AUTS2: variants seen among roughly 807,000 people sequenced by gnomAD.
AUTS2 encodes the protein autism susceptibility gene 2 protein.
Under a neutral mutation model 112.4 loss-of-function variants are expected in AUTS2, and 17 were observed. The observed-to-expected ratio is 0.15, with a 90% CI of 0.10 to 0.23. The LOEUF is 0.23. Ranked by LOEUF, AUTS2 falls within the 10% of genes least tolerant of loss-of-function variation. The probability of loss-of-function intolerance (pLI) is 1.00; values close to 1 mark genes in which losing one functional copy is unlikely to be tolerated. For synonymous variants in AUTS2, 751 were observed against 702.7 expected (o/e 1.07, Z -1.09); for missense variants, 1,510 against 1,701.6 (o/e 0.89, Z 1.98).
intron 4 of AUTS2, among the ~76,000 whole-genome samples, chr7:70,402,658 G>A (rs907381311): frequency 6.6e-6 from 1 of 152,160 alleles, no homozygotes; most frequent in African/African-American, 2.4e-5. Context: ...GGGGATGGGC[G>A]TGGGTTAGAT....
chr7:70,319,570 G>T (rs1431573961), intron 4 of AUTS2, among the ~76,000 whole-genome samples: 1 of 152,162 alleles, frequency 6.6e-6, no homozygotes, highest in Non-Finnish European at 1.5e-5. Context: ...AAAAGTGTTT[G>T]CTAAGTCTCT....
rs1327628597 is a variant in AUTS2, at chr7:70,430,193, G to A, written c.661-5559G>A. ...CGCTCAAGGATGGGGTCAAGGATAA[G>A]GCTCTTCACTTACGCAGTTGAGTGA... is the stretch of plus-strand genomic sequence containing the variant. On this transcript the variant is annotated intron_variant, in intron 4 of 18. Coordinates refer to ENST00000342771, the MANE Select transcript of AUTS2 (RefSeq NM_015570.4). Among the ~76,000 whole-genome samples, 5 of 152,150 alleles carry A rather than the reference G, an allele frequency of 3.3e-5. No homozygotes were observed. In the East Asian group the frequency reaches 5.8e-4, roughly 18 times the overall value.
At chr7:70,454,067 C>T (rs1054245812) in intron 5 of AUTS2, among the ~76,000 whole-genome samples, 12 of 152,274 alleles carry the variant, frequency 7.9e-5, no homozygotes, top group Admixed American at 6.5e-4. Flanking sequence ...TGGCGTTGTG[C>T]TGTCTTCTGT....
At chr7:70,027,439 C>T (rs543067755) in intron 2 of AUTS2, among the ~76,000 whole-genome samples, 1 of 152,244 alleles carries the variant, frequency 6.6e-6, no homozygotes, top group East Asian at 1.9e-4. Context: ...GGTTTGCCTC[C>T]ATTACTAAGT....
chr7:69,884,906 A>G (rs1479977466), intron 1 of AUTS2, among the ~76,000 whole-genome samples: 1 of 152,216 alleles, frequency 6.6e-6, no homozygotes, highest in African/African-American at 2.4e-5. Context: ...GTCTCAGGTC[A>G]GTGGGTATAT....
intron 4 of AUTS2, among the ~76,000 whole-genome samples, chr7:70,162,291 A>T (rs1456900297): frequency 6.7e-6 from 1 of 150,334 alleles, no homozygotes; most frequent in East Asian, 2.0e-4. Flanking sequence ...CTAAAAATAC[A>T]AAAAATTAGC....
At chr7:69,676,697 A>G (rs909617514) in intron 1 of AUTS2, among the ~76,000 whole-genome samples, 1 of 152,092 alleles carries the variant, frequency 6.6e-6, no homozygotes, top group Admixed American at 6.5e-5. Context: ...ATAAACGATG[A>G]TTACTTTTCA....
chr7:70,215,503 A>G (rs7805470), intron 4 of AUTS2, among the ~76,000 whole-genome samples: 46,439 of 152,020 alleles, frequency 0.31, 7,311 homozygotes, highest in Middle Eastern at 0.38. Flanking sequence ...GTTTGTATTT[A>G]TATTTGGAAA....
intron 4 of AUTS2, among the ~76,000 whole-genome samples, chr7:70,195,694 T>C (rs1465755795): frequency 6.6e-6 from 1 of 152,176 alleles, no homozygotes; most frequent in Non-Finnish European, 1.5e-5. Context: ...CTGCTCTGAA[T>C]AGTAGAAGAC....
intron 2 of AUTS2, among the ~76,000 whole-genome samples, chr7:70,065,842 A>G (rs1224931468): frequency 1.3e-5 from 2 of 152,136 alleles, no homozygotes; most frequent in African/African-American, 4.8e-5. Context: ...GGTAGCTAGG[A>G]CTGCAGGTGT....
At chr7:70,397,285 G>A (rs544721325) in intron 4 of AUTS2, among the ~76,000 whole-genome samples, 4 of 151,702 alleles carry the variant, frequency 2.6e-5, no homozygotes, top group East Asian at 1.9e-4. Context: ...GACTGGTCTC[G>A]AACTCCTGAC....
chr7:70,391,285 G>A (rs1258588233), intron 4 of AUTS2, among the ~76,000 whole-genome samples: 5 of 152,212 alleles, frequency 3.3e-5, no homozygotes, highest in Non-Finnish European at 7.3e-5. Context: ...CCCATATCAT[G>A]TGGTGAGAAT....
chr7:70,110,104 T>C (rs1188630121), intron 2 of AUTS2, among the ~76,000 whole-genome samples: 2 of 152,260 alleles, frequency 1.3e-5, no homozygotes, highest in Non-Finnish European at 2.9e-5. Context: ...CTGTCTGGAT[T>C]GAGCGTGTCT....
intron 4 of AUTS2, among the ~76,000 whole-genome samples, chr7:70,224,741 T>G (rs927218165): frequency 1.3e-5 from 2 of 152,196 alleles, no homozygotes; most frequent in Admixed American, 6.5e-5. Flanking sequence ...TCATGGTAAG[T>G]GCCCTATACA....
intron 1 of AUTS2, among the ~76,000 whole-genome samples, chr7:69,630,982 G>A (rs559926122): frequency 7.3e-5 from 11 of 150,602 alleles, no homozygotes; most frequent in African/African-American, 2.2e-4. Flanking sequence ...ATTTATCCAC[G>A]TCTTGAGTAG....
Position 70,280,714 on chromosome 7 carries a change from C to T in AUTS2, c.660+146143C>T, listed in dbSNP as rs149675423. Among the ~76,000 whole-genome samples, 97 of 152,156 alleles carry T rather than the reference C, an allele frequency of 6.4e-4. 1 individual carries two copies. The highest frequency in any genetic ancestry group is 1.7e-3 in the Admixed American group (26 of 15,274). Reference sequence around the variant, plus strand: ...GTTAAGAACCCAAACAAAAACACTCCGTCCCCAACCCCGACACAACAATAC... The same window carrying T: ...GTTAAGAACCCAAACAAAAACACTCTGTCCCCAACCCCGACACAACAATAC... On this transcript the variant is annotated intron_variant, in intron 4 of 18. Transcript: ENST00000342771.
At chr7:70,130,970 A>G (rs1331040455) in intron 3 of AUTS2, among the ~76,000 whole-genome samples, 5 of 152,208 alleles carry the variant, frequency 3.3e-5, no homozygotes, top group Admixed American at 1.3e-4. Context: ...ATGGATGGAT[A>G]TTATTTCAAA....
At chr7:69,766,419 A>C (rs909757733) in intron 1 of AUTS2, among the ~76,000 whole-genome samples, 8 of 152,204 alleles carry the variant, frequency 5.3e-5, no homozygotes, top group Non-Finnish European at 1.0e-4. Context: ...TGGGTGTGCA[A>C]ATATGTTCTT....
In AUTS2 at chr7:70,090,332, T is replaced by A. The variant is rs1260236408; in HGVS notation, c.523-27800T>A. 2.6e-5 allele frequency among the ~76,000 whole-genome samples: 4 copies of A among 152,210 alleles called. No homozygotes were observed. In the East Asian group the frequency reaches 7.7e-4, roughly 29 times the overall value. On this transcript the variant is annotated intron_variant, in intron 2 of 18. Transcript: ENST00000342771. ...TATATTGTTATTGATATTTAATTAG[T>A]TAATTGTTCTTTGAAGAAACTTACA...
Sources: gnomAD v4.1 joint callset for allele counts (sites outside exome capture counted in the v4.1 genomes callset) on GRCh38, gnomAD v4.1.1 for gene constraint, MANE v1.5 for transcripts, NCBI Gene and HGNC (gene_info 2026-07-23, HGNC 2026-07-21) for gene names.